NELL2: variants seen among roughly 807,000 people sequenced by gnomAD.
NELL2 encodes neural EGFL like 2.
A neutral mutation model predicts 109.6 loss-of-function variants in NELL2; 41 were observed. The ratio of observed to expected loss-of-function variants is 0.37; its 90% CI spans 0.29 to 0.49. NELL2 has a LOEUF of 0.49. Ranked by LOEUF, NELL2 falls within the 20% of genes least tolerant of loss-of-function variation. The pLI, the probability that NELL2 is intolerant of heterozygous loss-of-function variation, is 0.98. For synonymous variants in NELL2, 355 were observed against 344.7 expected, an observed-to-expected ratio of 1.03 and a Z score of -0.33; for missense variants, 900 against 1,008.3, an observed-to-expected ratio of 0.89 and a Z score of 1.45.
chr12:44,526,410 A>C (rs1314531419), intron 16 of NELL2, among the ~76,000 whole-genome samples: 1 of 152,238 alleles, frequency 6.6e-6, no homozygotes, highest in Non-Finnish European at 1.5e-5. Flanking sequence ...CTCACTTTAT[A>C]AATCAGGAAA....
At chr12:44,620,209 C>T (rs1946003569) in intron 13 of NELL2, among the ~76,000 whole-genome samples, 1 of 150,190 alleles carries the variant, frequency 6.7e-6, no homozygotes, top group African/African-American at 2.4e-5. Flanking sequence ...ACAAAATGTA[C>T]TCTATTGATG....
rs193066480 is a variant in NELL2, at chr12:44,786,195, C to T, written c.336-6173G>A. ...ATAAATTTACAAGAAAAAAAACAAA[C>T]AGCCCCATCAAAAAGTGGGCAAAGA... On this transcript the variant is annotated intron_variant, in intron 3 of 19. Coordinates refer to ENST00000429094, the MANE Select transcript of NELL2 (RefSeq NM_001145108.2). Among the ~76,000 whole-genome samples, 736 of 152,080 alleles carry T rather than the reference C, an allele frequency of 4.8e-3. 5 individuals are homozygous for T. The highest frequency in any genetic ancestry group is 0.016 in the African/African-American group (658 of 41,504).
intron 15 of NELL2, among the ~76,000 whole-genome samples, chr12:44,587,535 G>A (rs944982039): frequency 2.6e-5 from 4 of 151,814 alleles, no homozygotes; most frequent in African/African-American, 7.3e-5. Flanking sequence ...TTCTATTAAT[G>A]TCTAATAATG....
intron 2 of NELL2, among the ~76,000 whole-genome samples, chr12:44,837,911 T>G (rs1944104582): frequency 6.6e-6 from 1 of 152,204 alleles, no homozygotes; most frequent in Non-Finnish European, 1.5e-5. Context: ...TGTGCCAGTT[T>G]TATTATAATA....
At chr12:44,702,009 A>G (rs992760713) in intron 12 of NELL2, among the ~76,000 whole-genome samples, 81 of 152,240 alleles carry the variant, frequency 5.3e-4, no homozygotes, top group Non-Finnish European at 1.0e-3. Flanking sequence ...TTCTAAGCTC[A>G]TTCCCACTTA....
At chr12:44,876,770 C>T (rs1309721337), upstream of NELL2, 1 of 1,452,552 alleles carries the variant, frequency 6.9e-7, no homozygotes, top group East Asian at 2.6e-5. Flanking sequence ...GGGTGCAGGG[C>T]ACTCCCCCTC....
Position 44,721,627 on chromosome 12 carries a change from C to T in NELL2, c.995-6886G>A, listed in dbSNP as rs188991781. Among the ~76,000 whole-genome samples the T allele has an allele frequency of 2.9e-3, 430 of 149,946 alleles. 1 individual carries two copies. Among genetic ancestry groups the T allele is most frequent in the Non-Finnish European group, 4.7e-3 (318 of 67,424 alleles). On this transcript the variant is annotated intron_variant, in intron 9 of 19. Transcript: ENST00000429094. The stretch of plus-strand genomic sequence containing the variant: ...TTAACTTTGTGTAACTTTTTTTTTT[C>T]AAAATGCCCAGCACCATTTAGACAC...
chr12:44,587,605 C>T (rs1417558675), intron 15 of NELL2, among the ~76,000 whole-genome samples: 1 of 151,834 alleles, frequency 6.6e-6, no homozygotes, highest in Non-Finnish European at 1.5e-5. Flanking sequence ...GTCAAATAGT[C>T]CAACTATATG....
intron 2 of NELL2, among the ~76,000 whole-genome samples, chr12:44,827,881 C>T (rs1396870616): frequency 1.3e-5 from 2 of 152,118 alleles, no homozygotes; most frequent in African/African-American, 4.8e-5. Context: ...TTCTGAGGAA[C>T]CTCCAAACCA....
At chr12:44,617,469 C>T (rs1253506617) in intron 13 of NELL2, among the ~76,000 whole-genome samples, 4 of 106,286 alleles carry the variant, frequency 3.8e-5, no homozygotes, top group South Asian at 4.5e-4. Context: ...GGGCGGATCA[C>T]GAGGTCAGGA....
rs540447335 is a variant in NELL2 at position 44,861,771 on chromosome 12, C to CAG, written c.184+13452_184+13453dup. On this transcript the variant is annotated intron_variant, in intron 2 of 19. Coordinates refer to ENST00000429094, the MANE Select transcript of NELL2 (RefSeq NM_001145108.2). ...CAACAGGCCTGCCAAACTGCTAACC[C>CAG]AGTCACCAGGACAGCCTGTCTGAGA... Among the ~76,000 whole-genome samples, 33 of 152,336 alleles carry CAG rather than the reference C, an allele frequency of 2.2e-4. 1 individual carries two copies. Among genetic ancestry groups the CAG allele is most frequent in the Admixed American group, 3.9e-4 (6 of 15,308 alleles).
intron 16 of NELL2, among the ~76,000 whole-genome samples, chr12:44,527,113 C>T (rs1941819822): frequency 6.6e-6 from 1 of 152,134 alleles, no homozygotes; most frequent in African/African-American, 2.4e-5. Flanking sequence ...CTCTTTGTTC[C>T]TTCACAGCAT....
intron 15 of NELL2, among the ~76,000 whole-genome samples, chr12:44,555,508 T>C (rs1164007197): frequency 2.6e-5 from 4 of 152,146 alleles, no homozygotes; most frequent in African/African-American, 9.7e-5. Flanking sequence ...GTACCCCAAC[T>C]GACACCATCA....
chr12:44,791,070 TATATATATATAC>T (rs1216791296), intron 3 of NELL2, among the ~76,000 whole-genome samples: 2 of 10,412 alleles, frequency 1.9e-4, no homozygotes, highest in Admixed American at 2.5e-3. Flanking sequence ...TTCAAGTATA[TATATATATATAC>T]ATATATATAT....
At chr12:44,583,410 A>G (rs139479326) in intron 15 of NELL2, among the ~76,000 whole-genome samples, 203 of 152,364 alleles carry the variant, frequency 1.3e-3, no homozygotes, top group African/African-American at 4.7e-3. Context: ...CGCCAACACC[A>G]GAAAGTAAAA....
chr12:44,613,912 C>T (rs1945719995), intron 13 of NELL2, among the ~76,000 whole-genome samples: 1 of 151,990 alleles, frequency 6.6e-6, no homozygotes, highest in African/African-American at 2.4e-5. Flanking sequence ...GTTCGCCTCT[C>T]CATTTCTAGT....
At chr12:44,684,628 C>T (rs1234014831) in intron 12 of NELL2, among the ~76,000 whole-genome samples, 2 of 152,180 alleles carry the variant, frequency 1.3e-5, no homozygotes, top group South Asian at 2.1e-4. Flanking sequence ...TCTTTGTTCT[C>T]GTTGGTTTCA....
chr12:44,514,264 A>C (rs553219646), intron 19 of NELL2, among the ~76,000 whole-genome samples: 2 of 151,928 alleles, frequency 1.3e-5, no homozygotes, highest in Non-Finnish European at 2.9e-5. Context: ...GAAAATGCTA[A>C]GGAGTGTTAT....
chr12:44,895,387 A>G (rs1407827571), intron 1 of NELL2, among the ~76,000 whole-genome samples: 1 of 152,224 alleles, frequency 6.6e-6, no homozygotes, highest in Non-Finnish European at 1.5e-5. Flanking sequence ...TATTTATCTT[A>G]GCTTTATTTA....
Sources: allele counts gnomAD v4.1 joint callset (sites outside exome capture counted in the v4.1 genomes callset), GRCh38; gene constraint gnomAD v4.1.1; transcripts MANE v1.5; gene names NCBI Gene and HGNC (gene_info 2026-07-23, HGNC 2026-07-21).